RTKN2: variants seen among roughly 807,000 people sequenced by gnomAD.
RTKN2 encodes the protein rhotekin-2.
Under a neutral mutation model 71.5 loss-of-function variants are expected in RTKN2, and 69 were observed. The ratio of observed to expected loss-of-function variants is 0.96; its 90% CI spans 0.79 to 1.18. RTKN2 has a LOEUF of 1.18. RTKN2 is among the 50% of genes most tolerant of loss of function. The pLI is 0.00. For missense variants in RTKN2, 724 were observed against 719.7 expected, an observed-to-expected ratio of 1.01 and a Z score of -0.07; for synonymous variants, 236 against 236.5, an observed-to-expected ratio of 1.00 and a Z score of 0.02.
intron 3 of RTKN2, among the ~76,000 whole-genome samples, chr10:62,245,299 TAAAC>T (rs1842457202): frequency 6.6e-6 from 1 of 152,112 alleles, no homozygotes; most frequent in South Asian, 2.1e-4. Context: ...TATATATAGA[TAAAC>T]AAACAGATAT....
In RTKN2 at chr10:62,259,563, T is replaced by G. The variant is rs1422745569; in HGVS notation, c.257+3062A>C. Among the ~76,000 whole-genome samples, 6 of 152,202 alleles carry G rather than the reference T, an allele frequency of 3.9e-5. No individual in the cohort carries two copies. In the East Asian group the frequency reaches 1.2e-3, roughly 29 times the overall value. ...CAAAGTAAATTTTTCTTTTGCTATTTCTTTTTGAGACAGAATCTCACTCTT... is the reference window on the plus strand; with the variant it reads ...CAAAGTAAATTTTTCTTTTGCTATTGCTTTTTGAGACAGAATCTCACTCTT... On this transcript the variant is annotated intron_variant, in intron 2 of 11. Transcript: ENST00000373789.
At chr10:62,250,883 G>A (rs766309334) in intron 2 of RTKN2, among the ~76,000 whole-genome samples, 7 of 152,104 alleles carry the variant, frequency 4.6e-5, no homozygotes, top group Non-Finnish European at 8.8e-5. Flanking sequence ...CACCCACCTC[G>A]GCCTCCCAAA....
At chr10:62,200,000 G>T (rs1325665038) in intron 10 of RTKN2, 139 bp from the exon 11 acceptor site, 2 of 555,732 alleles carry the variant, frequency 3.6e-6, no homozygotes. Context: ...GTTAAGGGAG[G>T]CTTGCAGAAA....
chr10:62,194,584 C>T lies in RTKN2; in HGVS notation c.*3324G>A, dbSNP rs1841285411. On this transcript the variant is annotated 3_prime_UTR_variant, in exon 12 of 12. Transcript: ENST00000373789. ...CTCATGGTGCAATGCAGTACTCTGT[C>T]CATGTAGTATAGTTGTGCCTCATTC... is the stretch of plus-strand genomic sequence containing the variant. 1 of 985,276 alleles carries T rather than the reference C, an allele frequency of 1.0e-6. No homozygotes were observed. The highest frequency in any genetic ancestry group is 1.7e-5 in the African/African-American group (1 of 57,234). The allele number at this position is 985,276 out of a possible 1,614,324, so 61.0% of individuals were successfully genotyped here.
At chr10:62,248,766 T>TG (rs1842523705) in intron 2 of RTKN2, among the ~76,000 whole-genome samples, 1 of 152,176 alleles carries the variant, frequency 6.6e-6, no homozygotes, top group Non-Finnish European at 1.5e-5. Context: ...ATTGACTGAG[T>TG]AAATACAGAT....
In RTKN2 at chr10:62,196,094, C is replaced by A. The variant is rs1235100958; in HGVS notation, c.*1814G>T. 1.0e-6 allele frequency: 1 copy of A among 985,146 alleles called. No individual in the cohort carries two copies. Among genetic ancestry groups the A allele is most frequent in the East Asian group, 1.1e-4 (1 of 8,808 alleles). 61.0% of individuals were successfully genotyped at this position (985,146 alleles called of 1,614,324 possible). ...GCCAGCTTCAAAACAATTTTCCCTG[C>A]AGCATCTTCTAGCTCAATAATTTAG... On this transcript the variant is annotated 3_prime_UTR_variant, in exon 12 of 12. Coordinates refer to ENST00000373789, the MANE Select transcript of RTKN2 (RefSeq NM_145307.4).
chr10:62,255,675 T>C (rs1452438637), intron 2 of RTKN2, among the ~76,000 whole-genome samples: 1 of 152,178 alleles, frequency 6.6e-6, no homozygotes, highest in Admixed American at 6.5e-5. Flanking sequence ...GATAACAGAA[T>C]AGTCACCCAA....
In RTKN2 at chr10:62,197,652, A is replaced by T; in HGVS notation, c.*256T>A. 3.2e-6 allele frequency: 4 copies of T among 1,266,850 alleles called. No homozygotes were observed. Among genetic ancestry groups the T allele is most frequent in the Non-Finnish European group, 4.0e-6 (4 of 1,006,150 alleles). The allele number at this position is 1,266,850 out of a possible 1,614,324, so 78.5% of individuals were successfully genotyped here. On this transcript the variant is annotated 3_prime_UTR_variant, in exon 12 of 12. Coordinates refer to ENST00000373789, the MANE Select transcript of RTKN2 (RefSeq NM_145307.4). ...CCTGGTACTAATTCAGGAATAAATT[A>T]ACCCTTCCAACAATTAGGATATTGT...
chr10:62,198,389 ATT>A lies in RTKN2; in HGVS notation c.1347_1348del (p.Lys449AsnfsTer2). The A allele has an allele frequency of 6.5e-7, 1 of 1,530,880 alleles. No individual in the cohort carries two copies. Among genetic ancestry groups the A allele is most frequent in the South Asian group, 1.2e-5 (1 of 82,818 alleles). 94.8% of individuals were successfully genotyped at this position (1,530,880 alleles called of 1,614,324 possible). On this transcript the variant is annotated frameshift_variant, in exon 12 of 12. Coordinates refer to ENST00000373789, the MANE Select transcript of RTKN2 (RefSeq NM_145307.4). LOFTEE classifies it high-confidence loss of function. ...AAGGAACTGCCCATTTGTCTCTTCA[ATT>A]TTTTTTTGTATTATATCCGTTAAAC...
chr10:62,215,814 G>A (rs1056748611), intron 9 of RTKN2, among the ~76,000 whole-genome samples: 17 of 151,946 alleles, frequency 1.1e-4, no homozygotes, highest in African/African-American at 2.7e-4. Flanking sequence ...ATGAAAAAGC[G>A]ACAGGAAATA....
intron 6 of RTKN2, among the ~76,000 whole-genome samples, chr10:62,233,053 G>A (rs1025678638): frequency 6.6e-6 from 1 of 152,236 alleles, no homozygotes; most frequent in African/African-American, 2.4e-5. Flanking sequence ...TGCTGTAAAG[G>A]TGCATGAAAC....
downstream of RTKN2, among the ~76,000 whole-genome samples, chr10:62,189,855 TTTTTTTTTCTTCA>T (rs1164427418): frequency 6.6e-6 from 1 of 151,576 alleles, no homozygotes; most frequent in Non-Finnish European, 1.5e-5. Context: ...CACCCACCTT[TTTTTTTTTCTTCA>T]TTTTCAGCTT....
chr10:62,218,091 A>C, intron 8 of RTKN2, 104 bp downstream of exon 8: 1 of 716,392 alleles, frequency 1.4e-6, no homozygotes, highest in Non-Finnish European at 2.3e-6. Context: ...ATTTAAAAAA[A>C]GACTTAAAAA....
chr10:62,236,790 T>C (rs571880517), intron 5 of RTKN2, among the ~76,000 whole-genome samples: 134 of 151,938 alleles, frequency 8.8e-4, no homozygotes, highest in African/African-American at 3.0e-3. Context: ...CATTCTGCCT[T>C]AAAAAAGGAG....
chr10:62,208,369 CT>C (rs1841589854), intron 9 of RTKN2, among the ~76,000 whole-genome samples: 1 of 150,190 alleles, frequency 6.7e-6, no homozygotes. Flanking sequence ...GACTCTCAGC[CT>C]GGGCCAGGAA....
chr10:62,240,326 T>C (rs1842348868), intron 4 of RTKN2, among the ~76,000 whole-genome samples: 1 of 146,256 alleles, frequency 6.8e-6, no homozygotes, highest in South Asian at 2.1e-4. Context: ...TTTGATTTGG[T>C]GATGTTTTAA....
intron 11 of RTKN2, among the ~76,000 whole-genome samples, chr10:62,199,533 T>C (rs1165638623): frequency 6.6e-6 from 1 of 152,246 alleles, no homozygotes; most frequent in Non-Finnish European, 1.5e-5. Flanking sequence ...AAATTTTTTG[T>C]CTGATCTTAA....
chr10:62,203,273 A>C (rs1254436557), intron 10 of RTKN2, among the ~76,000 whole-genome samples: 1 of 152,244 alleles, frequency 6.6e-6, no homozygotes, highest in Non-Finnish European at 1.5e-5. Context: ...AAATGGTTAA[A>C]GTTTTAGCTA....
chr10:62,200,320 A>C (rs1841415081), intron 10 of RTKN2, among the ~76,000 whole-genome samples: 2 of 136,646 alleles, frequency 1.5e-5, no homozygotes. Flanking sequence ...CCGAGATTGC[A>C]CCACTGCACT....
Sources: allele counts gnomAD v4.1 joint callset (sites outside exome capture counted in the v4.1 genomes callset), GRCh38; gene constraint gnomAD v4.1.1; transcripts MANE v1.5; gene names NCBI Gene and HGNC (gene_info 2026-07-23, HGNC 2026-07-21).